PTPN4: variants seen among roughly 807,000 people sequenced by gnomAD.
PTPN4 encodes tyrosine-protein phosphatase non-receptor type 4.
A neutral mutation model predicts 135.5 loss-of-function variants in PTPN4; 49 were observed. The ratio of observed to expected loss-of-function variants is 0.36; its 90% CI spans 0.29 to 0.46. The LOEUF (loss-of-function observed/expected upper bound fraction) is 0.46. Among genes scored for constraint, PTPN4 ranks in the 20% least tolerant of loss-of-function variants. The pLI is 1.00. For synonymous variants in PTPN4, 333 were observed against 369.9 expected (o/e 0.90, Z 1.14); for missense variants, 860 against 1,101.0 (o/e 0.78, Z 3.10).
intron 2 of PTPN4, among the ~76,000 whole-genome samples, chr2:119,815,467 ATTGT>A (rs1676970328): frequency 6.6e-6 from 1 of 152,140 alleles, no homozygotes; most frequent in Non-Finnish European, 1.5e-5. Context: ...CAATTTACTA[ATTGT>A]TTGATGTGCA....
chr2:119,905,165 A>G (rs889592772), intron 10 of PTPN4, among the ~76,000 whole-genome samples: 7 of 152,320 alleles, frequency 4.6e-5, no homozygotes, highest in East Asian at 3.9e-4. Flanking sequence ...TTGAATGTAT[A>G]TGGTTTAAGT....
intron 1 of PTPN4, among the ~76,000 whole-genome samples, chr2:119,804,356 T>A (rs1691428705): frequency 6.6e-6 from 1 of 152,158 alleles, no homozygotes; most frequent in Non-Finnish European, 1.5e-5. Flanking sequence ...GGTATACATG[T>A]GCCATGTTTG....
intron 3 of PTPN4, among the ~76,000 whole-genome samples, chr2:119,873,645 A>G (rs1157417577): frequency 1.3e-5 from 2 of 152,160 alleles, no homozygotes; most frequent in East Asian, 3.9e-4. Context: ...CTCCTTCATG[A>G]ATGGGGTTGA....
At chr2:119,929,968 G>C (rs1033813292) in intron 13 of PTPN4, among the ~76,000 whole-genome samples, 1 of 152,022 alleles carries the variant, frequency 6.6e-6, no homozygotes, top group African/African-American at 2.4e-5. Flanking sequence ...GGAAATAATA[G>C]TTTATTACAT....
intron 26 of PTPN4, among the ~76,000 whole-genome samples, chr2:119,972,919 T>C (rs1395075721): frequency 4.6e-5 from 7 of 152,288 alleles, no homozygotes; most frequent in South Asian, 2.1e-4. Flanking sequence ...TAGTATGTAA[T>C]GCTTTTTATA....
chr2:119,853,254 C>A (rs530765876), intron 2 of PTPN4, among the ~76,000 whole-genome samples: 3 of 152,112 alleles, frequency 2.0e-5, no homozygotes, highest in Non-Finnish European at 4.4e-5. Flanking sequence ...ATATGTGTCC[C>A]TTTTCTATGG....
intron 15 of PTPN4, among the ~76,000 whole-genome samples, chr2:119,939,399 C>T (rs1195029341): frequency 6.6e-6 from 1 of 152,164 alleles, no homozygotes. Flanking sequence ...CTCCTGGGCT[C>T]AAGTAATCCT....
Position 119,760,152 on chromosome 2 carries a change from C to T in PTPN4, c.-250C>T. ...ATCCCTGCAGGGAGGTAGGAGAGGT[C>T]GCCGGCTGCCCGCCTCCCTGCCACC... On this transcript the variant is annotated 5_prime_UTR_variant, in exon 1 of 27. Coordinates refer to ENST00000263708, the MANE Select transcript of PTPN4 (RefSeq NM_002830.4). 2.5e-6 allele frequency: 1 copy of T among 392,878 alleles called. No homozygotes were observed. The highest frequency in any genetic ancestry group is 4.5e-6 in the Non-Finnish European group (1 of 222,642). 24.3% of individuals were successfully genotyped at this position (392,878 alleles called of 1,614,324 possible).
intron 9 of PTPN4, 97 bp from the exon 10 acceptor site, chr2:119,900,621 A>G (rs1055115916): frequency 4.5e-6 from 3 of 667,288 alleles, no homozygotes; most frequent in African/African-American, 1.9e-5. Flanking sequence ...TGAAAATGCA[A>G]TGTTTAGTTT....
intron 18 of PTPN4, among the ~76,000 whole-genome samples, chr2:119,949,072 T>G (rs1209020835): frequency 6.6e-6 from 1 of 152,150 alleles, no homozygotes; most frequent in Non-Finnish European, 1.5e-5. Flanking sequence ...TTCAATTAAG[T>G]CAAGGATTCA....
At chr2:119,864,893 A>G (rs961662718) in intron 3 of PTPN4, among the ~76,000 whole-genome samples, 1 of 152,122 alleles carries the variant, frequency 6.6e-6, no homozygotes, top group South Asian at 2.1e-4. Context: ...TTTATGATTC[A>G]AAGTAATTCT....
intron 20 of PTPN4, among the ~76,000 whole-genome samples, chr2:119,955,543 G>A (rs1679267350): frequency 6.6e-6 from 1 of 152,104 alleles, no homozygotes; most frequent in East Asian, 1.9e-4. Context: ...AGAGGGATAA[G>A]GAAATTTTAT....
Position 119,963,083 on chromosome 2 carries a change from A to G in PTPN4, c.2409+339A>G, listed in dbSNP as rs139710585. Among the ~76,000 whole-genome samples, 551 of 152,304 alleles carry G rather than the reference A, an allele frequency of 3.6e-3. 3 individuals are homozygous for G. The highest frequency in any genetic ancestry group is 0.013 in the African/African-American group (529 of 41,562). ...CTTTTACTCCAAGTAGTATCAGTAC[A>G]GTATTTGGGTGTGTCTGTGGAAATG... On this transcript the variant is annotated intron_variant, in intron 24 of 26. Transcript: ENST00000263708.
At chr2:119,853,528 C>T (rs983252950) in intron 2 of PTPN4, among the ~76,000 whole-genome samples, 9 of 151,870 alleles carry the variant, frequency 5.9e-5, no homozygotes, top group African/African-American at 1.2e-4. Flanking sequence ...AACATTTTAC[C>T]GCTTTGAGTA....
intron 8 of PTPN4, among the ~76,000 whole-genome samples, chr2:119,884,832 A>G (rs1678132290): frequency 1.3e-5 from 2 of 152,196 alleles, no homozygotes; most frequent in South Asian, 4.1e-4. Flanking sequence ...TGTTATGATC[A>G]TGCATTAGCG....
chr2:119,929,250 C>G (rs1275410197), intron 13 of PTPN4, among the ~76,000 whole-genome samples: 1 of 151,946 alleles, frequency 6.6e-6, no homozygotes, highest in East Asian at 1.9e-4. Context: ...ATGTTAGGAT[C>G]TAATTGTAAT....
intron 15 of PTPN4, among the ~76,000 whole-genome samples, chr2:119,944,538 A>C (rs902051473): frequency 7.2e-5 from 11 of 152,238 alleles, no homozygotes; most frequent in Admixed American, 6.5e-4. Context: ...ACCTTAAATC[A>C]TATGTTCTGA....
At chr2:119,844,397 A>G (rs1367565943) in intron 2 of PTPN4, among the ~76,000 whole-genome samples, 3 of 138,874 alleles carry the variant, frequency 2.2e-5, no homozygotes, top group Admixed American at 1.4e-4. Flanking sequence ...CCGGGCGGAG[A>G]CACTCCTCAC....
chr2:119,860,129 T>G (rs1312464558), intron 2 of PTPN4, among the ~76,000 whole-genome samples: 3 of 152,196 alleles, frequency 2.0e-5, no homozygotes, highest in African/African-American at 7.2e-5. Flanking sequence ...TGGATTCACC[T>G]TAGTAGCTTT....
Sources: allele counts gnomAD v4.1 joint callset (sites outside exome capture counted in the v4.1 genomes callset), GRCh38; gene constraint gnomAD v4.1.1; transcripts MANE v1.5; gene names NCBI Gene and HGNC (gene_info 2026-07-23, HGNC 2026-07-21).